Variants in BPIFB2 observed in about 807,000 individuals in gnomAD.
BPIFB2 encodes the protein BPI fold containing family B member 2.
BPIFB2 carries 39 observed loss-of-function variants against 50.1 expected under a neutral mutation model. The ratio of observed to expected loss-of-function variants is 0.78; its 90% CI spans 0.60 to 1.02. The LOEUF (loss-of-function observed/expected upper bound fraction) is 1.02. Ranked by LOEUF, BPIFB2 falls within the 50% of genes least tolerant of loss-of-function variation. The pLI is 0.00. For missense variants in BPIFB2, 574 were observed against 585.8 expected, an observed-to-expected ratio of 0.98 and a Z score of 0.21; for synonymous variants, 280 against 256.3, an observed-to-expected ratio of 1.09 and a Z score of -0.88.
At position 33,009,647 on chromosome 20, in the gene BPIFB2, G is replaced by C. The variant is rs1170066836; in HGVS notation, c.109+964G>C. Among the ~76,000 whole-genome samples the C allele has an allele frequency of 2.0e-5, 3 of 152,174 alleles. No individual in the cohort carries two copies. Among genetic ancestry groups the C allele is most frequent in the Non-Finnish European group, 2.9e-5 (2 of 68,026 alleles). On this transcript the variant is annotated intron_variant, in intron 2 of 15. Transcript: ENST00000170150. This position sits in a 1 kb window ranked among gnomAD's most constrained non-coding sequence, Gnocchi z 4.2. ...AGGCAATGAAAGGGGTCAGTGATCC[G>C]TGCCAGAGCATGACATGGAGCCATT...
intron 12 of BPIFB2, 54 bp downstream of exon 12, chr20:33,020,449 G>C (rs1368931858): frequency 6.2e-7 from 1 of 1,604,162 alleles, no homozygotes; most frequent in African/African-American, 1.3e-5. Flanking sequence ...TGTGCCATGG[G>C]TCCATCACCA....
rs747025311 is a variant in BPIFB2, at chr20:33,013,836, T to C, written c.335T>C (p.Leu112Pro). 2 of 1,613,884 alleles carry C rather than the reference T, an allele frequency of 1.2e-6. No homozygotes were observed. Among genetic ancestry groups the C allele is most frequent in the Non-Finnish European group, 1.7e-6 (2 of 1,179,982 alleles). The change falls in exon 5 of 16, where the codon CTG becomes CCG. Residue 112 changes from leucine to proline, a missense_variant. Coordinates refer to ENST00000170150, the MANE Select transcript of BPIFB2 (RefSeq NM_025227.3). ...FRAPEPLELTLPVELLADTRV... is the reference protein window; with the variant it reads ...FRAPEPLELTPPVELLADTRV... ...GCCCCAGAGCCCCTGGAGCTGACGC[T>C]GCCTGTGGAACTGCTGGCTGACACC...
At chr20:33,023,177 C>T (rs917650363) in intron 15 of BPIFB2, among the ~76,000 whole-genome samples, 165 bp from the exon 16 acceptor site, 1 of 152,162 alleles carries the variant, frequency 6.6e-6, no homozygotes, top group Non-Finnish European at 1.5e-5. Context: ...GCTGTTACTA[C>T]CCCCAAAGTG....
intron 9 of BPIFB2, 118 bp downstream of exon 9, chr20:33,018,940 A>G (rs1978545790): frequency 6.4e-7 from 1 of 1,569,880 alleles, no homozygotes; most frequent in Admixed American, 1.7e-5. Flanking sequence ...CTGGCGCCAC[A>G]GGGTGGCTGT....
chr20:33,011,295 T>C (rs1441255142), intron 3 of BPIFB2, among the ~76,000 whole-genome samples, 178 bp downstream of exon 3: 1 of 152,080 alleles, frequency 6.6e-6, no homozygotes, highest in Admixed American at 6.5e-5. Flanking sequence ...AGGTGAGTGC[T>C]CCCTCCCACA....
rs1488889636 is a variant in BPIFB2, at chr20:33,009,268, C to T, written c.109+585C>T. On this transcript the variant is annotated intron_variant, in intron 2 of 15. Coordinates refer to ENST00000170150, the MANE Select transcript of BPIFB2 (RefSeq NM_025227.3). This position sits in a 1 kb window ranked among gnomAD's most constrained non-coding sequence, Gnocchi z 4.2. ...CCACTTGTGCGAGGGCTCTGTCTTA[C>T]GGCTGTGCTGCTAGATCCTTCCAAG... is the stretch of plus-strand genomic sequence containing the variant. 1.3e-5 allele frequency among the ~76,000 whole-genome samples: 2 copies of T among 152,194 alleles called. No homozygotes were observed. The highest frequency in any genetic ancestry group is 6.5e-5 in the Admixed American group (1 of 15,284).
Position 33,017,694 on chromosome 20 carries a change from G to A in BPIFB2, c.578-565G>A, listed in dbSNP as rs77076645. Among the ~76,000 whole-genome samples, 634 of 152,334 alleles carry A rather than the reference G, an allele frequency of 4.2e-3. 17 individuals are homozygous for A. The East Asian group carries it at 0.053, about 13-fold the overall frequency. The stretch of plus-strand genomic sequence containing the variant: ...CTCATAGGAGACAGTGTGATGAGGT[G>A]GGAAGAGCATAGCTTTGGGGTCAGA... On this transcript the variant is annotated intron_variant, in intron 7 of 15. Coordinates refer to ENST00000170150, the MANE Select transcript of BPIFB2 (RefSeq NM_025227.3).
In BPIFB2 at chr20:33,011,100, G is replaced by A. The variant is rs898546415; in HGVS notation, c.186G>A (p.Glu62=). The change falls in exon 3 of 16, where the codon GAG becomes GAA. Residue 62 remains glutamate (E), a synonymous_variant. Coordinates refer to ENST00000170150, the MANE Select transcript of BPIFB2 (RefSeq NM_025227.3). ...TVPHFLDWSG[E]ALQPTRIRIL... Reference sequence around the variant, plus strand: ...CTCATTTCCTGGACTGGAGTGGAGAGGCGCTTCAGCCCACCAGGTGAGTGC... The same window carrying A: ...CTCATTTCCTGGACTGGAGTGGAGAAGCGCTTCAGCCCACCAGGTGAGTGC... 2.5e-5 allele frequency: 40 copies of A among 1,613,766 alleles called. No homozygotes were observed. The highest frequency in any genetic ancestry group is 3.2e-5 in the Non-Finnish European group (38 of 1,179,886).
chr20:33,019,369 C>T (rs1319328961), intron 10 of BPIFB2, among the ~76,000 whole-genome samples: 1 of 152,152 alleles, frequency 6.6e-6, no homozygotes, highest in Non-Finnish European at 1.5e-5. Flanking sequence ...TTCTTCAAGA[C>T]CAAGCTCAAG....
intron 3 of BPIFB2, among the ~76,000 whole-genome samples, chr20:33,012,425 G>A (rs533465430): frequency 1.1e-4 from 16 of 152,284 alleles, no homozygotes; most frequent in Admixed American, 2.0e-4. Context: ...TGTTGCTGTA[G>A]GCTACGAGCT....
At chr20:33,012,137 T>C (rs1990297234) in intron 3 of BPIFB2, among the ~76,000 whole-genome samples, 1 of 152,064 alleles carries the variant, frequency 6.6e-6, no homozygotes, top group African/African-American at 2.4e-5. Context: ...CATGGCATGG[T>C]TAATAAAGGT....
chr20:33,018,263 C>T lies in BPIFB2; in HGVS notation c.582C>T (p.Leu194=), dbSNP rs1978505551. The T allele has an allele frequency of 1.9e-6, 3 of 1,612,550 alleles. No homozygotes were observed. The highest frequency in any genetic ancestry group is 2.2e-5 in the East Asian group (1 of 44,864). The change falls in exon 8 of 16, where the codon CTC becomes CTT. Residue 194 remains leucine, a synonymous_variant. Coordinates refer to ENST00000170150, the MANE Select transcript of BPIFB2 (RefSeq NM_025227.3). ...VNVHLGTLIG[L]NPVGPESQIR... is the part of the protein sequence containing the mutation. ...CTCTACCCTGGTTTCATGAAGGCCT[C>T]AACCCCGTGGGTCCTGAGTCCCAGA...
chr20:33,015,532 T>C (rs762168559), intron 6 of BPIFB2, 36 bp downstream of exon 6: 2 of 1,540,434 alleles, frequency 1.3e-6, no homozygotes, highest in Non-Finnish European at 1.8e-6. Context: ...AAGGAGGGCA[T>C]GGCTTCACCG....
At chr20:33,012,615 G>A in intron 3 of BPIFB2, among the ~76,000 whole-genome samples, 188 bp from the exon 4 acceptor site, 1 of 152,134 alleles carries the variant, frequency 6.6e-6, no homozygotes, top group East Asian at 1.9e-4. Flanking sequence ...CCTACCAGCT[G>A]GTGTCCAACC....
intron 13 of BPIFB2, 129 bp downstream of exon 13, chr20:33,020,716 C>A: frequency 8.9e-7 from 1 of 1,120,894 alleles, no homozygotes; most frequent in East Asian, 2.7e-5. Context: ...CAGGCTTCCC[C>A]GGGCTGCTTG....
intron 11 of BPIFB2, among the ~76,000 whole-genome samples, 192 bp downstream of exon 11, chr20:33,019,942 G>T (rs1978598080): frequency 6.6e-6 from 1 of 152,202 alleles, no homozygotes; most frequent in Admixed American, 6.5e-5. Flanking sequence ...CCTGGCTCTT[G>T]GCATGGCCAG....
At chr20:33,015,385 G>C (rs1237723134) in intron 5 of BPIFB2, 51 bp from the exon 6 acceptor site, 2 of 1,527,680 alleles carry the variant, frequency 1.3e-6, no homozygotes. Flanking sequence ...CTGAGTGACG[G>C]GACTTAATAT....
chr20:33,014,628 G>A (rs1278654690), intron 5 of BPIFB2, among the ~76,000 whole-genome samples: 3 of 152,228 alleles, frequency 2.0e-5, no homozygotes, highest in Admixed American at 6.5e-5. Context: ...CCCCCTAGAC[G>A]ATGTCTGCAC....
chr20:33,014,222 C>G (rs1456510000), intron 5 of BPIFB2, among the ~76,000 whole-genome samples: 1 of 152,196 alleles, frequency 6.6e-6, no homozygotes, highest in Non-Finnish European at 1.5e-5. Context: ...TTAGCACACT[C>G]TTTGGGGAGG....
Sources: gnomAD v4.1 joint callset for allele counts (sites outside exome capture counted in the v4.1 genomes callset) on GRCh38, gnomAD v4.1.1 for gene constraint, Gnocchi (gnomAD v3.1) non-coding constraint, MANE v1.5 for transcripts, NCBI Gene and HGNC (gene_info 2026-07-23, HGNC 2026-07-21) for gene names.